Variants in SPATA13 observed in about 807,000 individuals in gnomAD.
The protein encoded by SPATA13 is spermatogenesis associated 13, also known as spermatogenesis-associated protein 13.
SPATA13 carries 50 observed loss-of-function variants against 104.0 expected under a neutral mutation model. The ratio of observed to expected loss-of-function variants is 0.48; its 90% CI spans 0.38 to 0.61. The LOEUF (loss-of-function observed/expected upper bound fraction) is 0.61, where lower values mean the gene tolerates loss of function less well. SPATA13 is among the 20% of genes least tolerant of loss of function. The pLI, the probability that SPATA13 is intolerant of heterozygous loss-of-function variation, is 0.00. For missense variants in SPATA13, 1,524 were observed against 1,690.6 expected (o/e 0.90, Z 1.73); for synonymous variants, 606 against 667.5 (o/e 0.91, Z 1.42).
intron 1 of SPATA13, among the ~76,000 whole-genome samples, chr13:24,195,854 G>C (rs1870026855): frequency 6.6e-6 from 1 of 152,116 alleles, no homozygotes; most frequent in Admixed American, 6.6e-5. Flanking sequence ...GGTTTAAGGG[G>C]GAAAGATGAT....
chr13:24,061,024 G>A (rs1435101677), intron 3 of SPATA13, among the ~76,000 whole-genome samples: 1 of 152,152 alleles, frequency 6.6e-6, no homozygotes, highest in Non-Finnish European at 1.5e-5. Context: ...GGGCAACAAA[G>A]CAAGACTCTG....
chr13:24,105,344 G>T (rs1162007426), intron 3 of SPATA13, among the ~76,000 whole-genome samples: 1 of 151,900 alleles, frequency 6.6e-6, no homozygotes, highest in Non-Finnish European at 1.5e-5. Context: ...CTGCCGTGTT[G>T]TCCAGGCTGG....
At chr13:24,298,581 CAG>C (rs1876955126) in intron 11 of SPATA13, among the ~76,000 whole-genome samples, 1 of 152,158 alleles carries the variant, frequency 6.6e-6, no homozygotes, top group Non-Finnish European at 1.5e-5. Flanking sequence ...GAATGGAAGT[CAG>C]GGAGCCACAG....
intron 4 of SPATA13, among the ~76,000 whole-genome samples, chr13:24,282,018 A>T (rs1249576043): frequency 1.3e-5 from 2 of 152,120 alleles, no homozygotes; most frequent in African/African-American, 2.4e-5. Context: ...ATTATTGTGG[A>T]TCTTTTTCCA....
chr13:24,140,674 G>A (rs1456908234), intron 3 of SPATA13, among the ~76,000 whole-genome samples: 30 of 152,110 alleles, frequency 2.0e-4, no homozygotes. Context: ...ACTAATGTGG[G>A]GATTATTTGT....
intron 9 of SPATA13, among the ~76,000 whole-genome samples, chr13:24,291,749 T>TTTTTTTTTTTTTTTTTTTTTTTTTA (rs1555277158): frequency 1.3e-5 from 1 of 79,832 alleles, no homozygotes; most frequent in African/African-American, 5.3e-5. Flanking sequence ...TATTTTTTTA[T>TTTTTTTTTTTTTTTTTTTTTTTTTA]TTTTTTATTT....
chr13:24,150,401 A>G (rs1882063378), intron 3 of SPATA13, among the ~76,000 whole-genome samples: 1 of 152,204 alleles, frequency 6.6e-6, no homozygotes, highest in Non-Finnish European at 1.5e-5. Context: ...ATGAGATGTC[A>G]CCGACTGGCA....
In SPATA13 at chr13:24,011,351, G is replaced by A. The variant is rs935878267; in HGVS notation, c.-146-6316G>A. ...GCCATCTCATGCTGTCTCACGTTCC[G>A]CAGCTGGTCTGGGCCCAAGTGCTGA... On this transcript the variant is annotated intron_variant, in intron 2 of 14. Coordinates refer to the SPATA13 transcript ENST00000424834. The surrounding 1 kb of genome is among the most constrained non-coding windows in gnomAD (Gnocchi z 4.3). 6.6e-6 allele frequency among the ~76,000 whole-genome samples: 1 copy of A among 152,136 alleles called. No homozygotes were observed. Among genetic ancestry groups the A allele is most frequent in the South Asian group, 2.1e-4 (1 of 4,834 alleles).
chr13:24,111,414 AC>A (rs1269511582), intron 3 of SPATA13, among the ~76,000 whole-genome samples: 2 of 109,966 alleles, frequency 1.8e-5, no homozygotes, highest in Non-Finnish European at 1.9e-5. Flanking sequence ...CTGCCCCGCC[AC>A]CCCCACCCCA....
At chr13:24,046,012 A>G (rs759440694) in intron 3 of SPATA13, among the ~76,000 whole-genome samples, 1 of 152,200 alleles carries the variant, frequency 6.6e-6, no homozygotes, top group African/African-American at 2.4e-5. Flanking sequence ...TTTGAATTCT[A>G]CTACCTTGTA....
At chr13:23,987,390 C>T (rs1227122132) in intron 2 of SPATA13, among the ~76,000 whole-genome samples, 1 of 152,120 alleles carries the variant, frequency 6.6e-6, no homozygotes, top group Non-Finnish European at 1.5e-5. Flanking sequence ...CAATAGTTCC[C>T]ATGATGGTGG....
At chr13:24,214,303 G>T (rs1216381272) in intron 1 of SPATA13, among the ~76,000 whole-genome samples, 1 of 152,232 alleles carries the variant, frequency 6.6e-6, no homozygotes, top group Admixed American at 6.5e-5. Flanking sequence ...CTTTTCAACA[G>T]ATTGCTTCAC....
At chr13:24,125,927 C>A (rs569257869) in intron 3 of SPATA13, among the ~76,000 whole-genome samples, 302 of 152,270 alleles carry the variant, frequency 2.0e-3, no homozygotes, top group Non-Finnish European at 3.5e-3. Context: ...TCAAATGTTC[C>A]CTATTGCCTA....
intron 3 of SPATA13, among the ~76,000 whole-genome samples, chr13:24,058,077 C>T (rs1300690551): frequency 6.6e-6 from 1 of 151,824 alleles, no homozygotes; most frequent in Non-Finnish European, 1.5e-5. Context: ...CATGCTGTGG[C>T]CCCACACCTG....
intron 4 of SPATA13, among the ~76,000 whole-genome samples, chr13:24,253,757 C>T (rs933261392): frequency 2.0e-5 from 3 of 151,766 alleles, no homozygotes; most frequent in Admixed American, 1.3e-4. Context: ...GGCAGAGATC[C>T]GAGGGAGGAG....
chr13:24,294,600 A>G, intron 9 of SPATA13, 139 bp from the exon 10 acceptor site: 3 of 843,484 alleles, frequency 3.6e-6, no homozygotes, highest in East Asian at 5.8e-5. Context: ...AACAAGAAAA[A>G]GGGAAACAGT....
rs770890619 is a variant in SPATA13, at chr13:24,088,712, G to A, written c.-112+71011G>A. Among the ~76,000 whole-genome samples the A allele has an allele frequency of 6.6e-6, 1 of 152,204 alleles. No homozygotes were observed. Among genetic ancestry groups the A allele is most frequent in the Non-Finnish European group, 1.5e-5 (1 of 68,034 alleles). ...AGAAACTCAGTGGCACTCGGGCCCT[G>A]CTTCTCACTGAGAGCTGCGTTTCCA... On this transcript the variant is annotated intron_variant, in intron 3 of 14. Transcript: ENST00000424834. This position sits in a 1 kb window ranked among gnomAD's most constrained non-coding sequence, Gnocchi z 4.3.
chr13:24,129,008 C>T (rs1881309666), intron 3 of SPATA13, among the ~76,000 whole-genome samples: 1 of 152,244 alleles, frequency 6.6e-6, no homozygotes, highest in African/African-American at 2.4e-5. Flanking sequence ...AAACTCTACA[C>T]CGGGGTAAGT....
At chr13:24,288,712 G>A (rs753874748) in intron 7 of SPATA13, among the ~76,000 whole-genome samples, 21 of 152,184 alleles carry the variant, frequency 1.4e-4, no homozygotes, top group African/African-American at 4.8e-4. Context: ...GGAAAAACAC[G>A]TGACGACACC....
Sources: allele counts gnomAD v4.1 joint callset (sites outside exome capture counted in the v4.1 genomes callset), GRCh38; gene constraint gnomAD v4.1.1; non-coding constraint Gnocchi (gnomAD v3.1); transcripts MANE v1.5; gene names NCBI Gene and HGNC (gene_info 2026-07-23, HGNC 2026-07-21).